Variants in CCDC88A observed in about 807,000 individuals in gnomAD.
CCDC88A encodes girdin.
CCDC88A carries 54 observed loss-of-function variants against 234.3 expected under a neutral mutation model. The observed-to-expected ratio is 0.23, with a 90% confidence interval of 0.19 to 0.29. The LOEUF (loss-of-function observed/expected upper bound fraction) is 0.29, where lower values mean the gene tolerates loss of function less well. CCDC88A is among the 10% of genes least tolerant of loss of function. The pLI, the probability that CCDC88A is intolerant of heterozygous loss-of-function variation, is 1.00. For missense variants in CCDC88A, 1,832 were observed against 2,123.4 expected (o/e 0.86, Z 2.70); for synonymous variants, 753 against 737.8 (o/e 1.02, Z -0.33).
At chr2:55,293,244 G>C (rs947141279) in intron 31 of CCDC88A, among the ~76,000 whole-genome samples, 1 of 152,074 alleles carries the variant, frequency 6.6e-6, no homozygotes, top group Non-Finnish European at 1.5e-5. Context: ...GTGTGGAAAA[G>C]AAATAACACT....
intron 2 of CCDC88A, among the ~76,000 whole-genome samples, chr2:55,412,173 T>G (rs1371707139): frequency 2.6e-5 from 4 of 152,210 alleles, no homozygotes; most frequent in Admixed American, 2.6e-4. Flanking sequence ...ACATGCTAAG[T>G]ACTAGGTTAG....
intron 5 of CCDC88A, among the ~76,000 whole-genome samples, chr2:55,369,780 A>G (rs1672557464): frequency 6.6e-6 from 1 of 152,106 alleles, no homozygotes; most frequent in Non-Finnish European, 1.5e-5. Flanking sequence ...CTCATTTCAA[A>G]TATTACCTTG....
At chr2:55,304,785 T>A (rs944333056) in intron 25 of CCDC88A, among the ~76,000 whole-genome samples, 1 of 152,188 alleles carries the variant, frequency 6.6e-6, no homozygotes, top group Non-Finnish European at 1.5e-5. Flanking sequence ...ACTATAAAAA[T>A]TATTGTATCT....
intron 2 of CCDC88A, among the ~76,000 whole-genome samples, chr2:55,396,743 A>G (rs2045133): frequency 0.92 from 139,569 of 151,522 alleles, 64,531 homozygotes; most frequent in African/African-American, 0.97. Context: ...GGTGGCAGGC[A>G]CCTGTAGTCC....
At chr2:55,368,351 A>G (rs1208026976) in intron 5 of CCDC88A, among the ~76,000 whole-genome samples, 1 of 152,154 alleles carries the variant, frequency 6.6e-6, no homozygotes, top group East Asian at 1.9e-4. Flanking sequence ...GGTTAACTTT[A>G]CTGTTTTTGA....
chr2:55,331,362 A>G (rs1684890958), intron 16 of CCDC88A, among the ~76,000 whole-genome samples: 1 of 152,208 alleles, frequency 6.6e-6, no homozygotes, highest in Non-Finnish European at 1.5e-5. Context: ...AAATGCCTCA[A>G]ATTATATCTT....
At chr2:55,360,523 T>C (rs997747978) in intron 7 of CCDC88A, among the ~76,000 whole-genome samples, 6 of 152,220 alleles carry the variant, frequency 3.9e-5, no homozygotes, top group African/African-American at 1.4e-4. Flanking sequence ...TTCCCAAGTA[T>C]CTGAGACAGA....
chr2:55,350,608 T>C (rs1338661487), intron 8 of CCDC88A: 4 of 148,566 alleles, frequency 2.7e-5, no homozygotes, highest in African/African-American at 9.8e-5. Flanking sequence ...TATATTAATA[T>C]ATATTATAAA....
At chr2:55,399,919 G>A (rs1316851462) in intron 2 of CCDC88A, 2 of 152,126 alleles carry the variant, frequency 1.3e-5, no homozygotes, top group African/African-American at 4.8e-5. Flanking sequence ...CTGTGTGTGT[G>A]TGTTTTTATC....
At position 55,380,061 on chromosome 2, in the gene CCDC88A, T is replaced by TA. The variant is rs57314271; in HGVS notation, c.274-5179dup. On this transcript the variant is annotated intron_variant, in intron 3 of 32. Coordinates refer to ENST00000436346, the MANE Select transcript of CCDC88A (RefSeq NM_001365480.1). ...CAGGATGGCAAAGCCCTGTCTCTACTAAAAAAAAAAAAAAAAAAAAAAAAA... is the reference window on the plus strand; with the variant it reads ...CAGGATGGCAAAGCCCTGTCTCTACTAAAAAAAAAAAAAAAAAAAAAAAAAA... 6.2e-3 allele frequency among the ~76,000 whole-genome samples: 467 copies of TA among 75,388 alleles called. 36 individuals carry two copies. Among genetic ancestry groups the TA allele is most frequent in the African/African-American group, 0.012 (209 of 17,938 alleles). The allele number at this position is 75,388 out of a possible 152,430, so 49.5% of individuals were successfully genotyped here.
rs981985239 is a variant in CCDC88A, at chr2:55,349,648, GATC to G, written c.801-52_801-50del. On this transcript the variant is annotated intron_variant, in intron 8 of 32. Transcript: ENST00000436346. ...TAAGTATACTATTTTTGAAAACTGT[GATC>G]ATCATCTGCGTTAATATAAATGTAT... The G allele has an allele frequency of 4.8e-6, 6 of 1,249,384 alleles. No individual in the cohort carries two copies. The Admixed American group carries it at 1.1e-4, about 23-fold the overall frequency. The allele number at this position is 1,249,384 out of a possible 1,614,324, so 77.4% of individuals were successfully genotyped here. A position where few individuals can be genotyped will look rare whatever the true frequency, so the allele number is the denominator to read the frequency against.
intron 17 of CCDC88A, among the ~76,000 whole-genome samples, chr2:55,325,840 G>C (rs1684195206): frequency 6.6e-6 from 1 of 152,086 alleles, no homozygotes; most frequent in African/African-American, 2.4e-5. Context: ...TGTTATCTTT[G>C]TGCTGGAATG....
chr2:55,350,874 G>C (rs1331921014), intron 8 of CCDC88A, among the ~76,000 whole-genome samples: 1 of 151,922 alleles, frequency 6.6e-6, no homozygotes, highest in African/African-American at 2.4e-5. Flanking sequence ...GTGGTCTTGA[G>C]CTCCTGGCCT....
At chr2:55,363,807 A>T in intron 6 of CCDC88A, 143 bp downstream of exon 6, 1 of 520,438 alleles carries the variant, frequency 1.9e-6, no homozygotes, top group South Asian at 3.1e-5. Context: ...TAAAGAGAAG[A>T]CAATTTGTAT....
At chr2:55,310,639 G>A (rs1682232311) in intron 23 of CCDC88A, among the ~76,000 whole-genome samples, 1 of 152,128 alleles carries the variant, frequency 6.6e-6, no homozygotes, top group East Asian at 1.9e-4. Flanking sequence ...TAGTCTATTT[G>A]AGAGGGAAGG....
At chr2:55,313,414 T>G (rs1261247977) in intron 22 of CCDC88A, 1 of 152,248 alleles carries the variant, frequency 6.6e-6, no homozygotes, top group Non-Finnish European at 1.5e-5. Context: ...GTATAGTTTT[T>G]GTAGCTTGAT....
chr2:55,417,238 A>T (rs1443779938), intron 2 of CCDC88A: 1 of 152,104 alleles, frequency 6.6e-6, no homozygotes, highest in Non-Finnish European at 1.5e-5. Flanking sequence ...AATAAAAACC[A>T]TTAAAGTGGA....
intron 7 of CCDC88A, chr2:55,356,741 C>T (rs187762468): frequency 3.3e-4 from 50 of 152,168 alleles, no homozygotes; most frequent in African/African-American, 1.2e-3. Flanking sequence ...ACCAGCCTGA[C>T]CAACATGGTG....
At position 55,308,925 on chromosome 2, in the gene CCDC88A, C is replaced by T. The variant is rs755550431; in HGVS notation, c.4271G>A (p.Arg1424His). 76 of 1,613,560 alleles carry T rather than the reference C, an allele frequency of 4.7e-5. 1 individual carries two copies. In the South Asian group the frequency reaches 6.6e-4, roughly 14 times the overall value. Residue 1424 changes from arginine (R) to histidine (H), a missense_variant, in exon 25 of 33, where the codon CGC (arginine) becomes CAC (histidine). Coordinates refer to ENST00000436346, the MANE Select transcript of CCDC88A (RefSeq NM_001365480.1). The part of the protein sequence containing the change: ...RQKSLTLTPT[R>H]SDSSEGFLQL... The stretch of plus-strand genomic sequence containing the variant: ...AAGAAATCCTTCACTGGAGTCTGAG[C>T]GGGTGGGTGTTAATGTTAGAGATTT...
Sources: allele counts gnomAD v4.1 joint callset (sites outside exome capture counted in the v4.1 genomes callset), GRCh38; gene constraint gnomAD v4.1.1; transcripts MANE v1.5; gene names NCBI Gene and HGNC (gene_info 2026-07-23, HGNC 2026-07-21).